Variants in PTK2 observed in about 807,000 individuals in gnomAD.
PTK2 encodes focal adhesion kinase 1.
A neutral mutation model predicts 150.1 loss-of-function variants in PTK2; 45 were observed. That is an observed-to-expected ratio of 0.30 (90% CI 0.24 to 0.38). PTK2 has a LOEUF of 0.38. Ranked by LOEUF, PTK2 falls within the 10% of genes least tolerant of loss-of-function variation. The probability of loss-of-function intolerance (pLI) is 1.00; values close to 1 mark genes in which losing one functional copy is unlikely to be tolerated. For missense variants in PTK2, 919 were observed against 1,307.3 expected (o/e 0.70, Z 4.58); for synonymous variants, 432 against 449.2 (o/e 0.96, Z 0.48).
chr8:140,828,630 C>A (rs1043546704), intron 8 of PTK2, among the ~76,000 whole-genome samples: 2 of 152,188 alleles, frequency 1.3e-5, no homozygotes, highest in African/African-American at 4.8e-5. Context: ...GTAGAGTACT[C>A]TTCTATCCAA....
In PTK2 at chr8:140,849,720, G is replaced by C. The variant is rs529853098; in HGVS notation, c.451-3042C>G. On this transcript the variant is annotated intron_variant, in intron 5 of 31. Transcript: ENST00000522684. ...CACCAGGGACCAGTTACTACGCTAAGCATTTTACGTATATTTCTGATCTTT... is the reference window on the plus strand; with the variant it reads ...CACCAGGGACCAGTTACTACGCTAACCATTTTACGTATATTTCTGATCTTT... Among the ~76,000 whole-genome samples the C allele has an allele frequency of 1.2e-4, 19 of 152,298 alleles. No individual in the cohort carries two copies. The South Asian group carries it at 2.9e-3, about 23-fold the overall frequency.
intron 7 of PTK2, among the ~76,000 whole-genome samples, chr8:140,840,343 C>T (rs768325382): frequency 6.6e-6 from 1 of 152,136 alleles, no homozygotes. Context: ...CTGCACCTGG[C>T]CCAATATAGG....
chr8:140,675,438 G>A lies in PTK2; in HGVS notation c.2602+22C>T, dbSNP rs191246950. 7.3e-4 allele frequency: 1,169 copies of A among 1,608,366 alleles called. 7 individuals carry two copies. Among genetic ancestry groups the A allele is most frequent in the South Asian group, 3.1e-4 (28 of 90,862 alleles). On this transcript the variant is annotated intron_variant, in intron 28 of 31. Transcript: ENST00000522684. ...CATCAAATTAAACTAACTTCTTTCC[G>A]CCCAATTCTTTTCTTCTTTACCTGG...
intron 1 of PTK2, among the ~76,000 whole-genome samples, chr8:140,968,069 A>T (rs747124898): frequency 6.6e-6 from 1 of 152,254 alleles, no homozygotes; most frequent in Non-Finnish European, 1.5e-5. Flanking sequence ...GGCACTGCTC[A>T]AAGGTGGGAA....
intron 12 of PTK2, among the ~76,000 whole-genome samples, chr8:140,799,472 G>A (rs773194550): frequency 4.6e-5 from 7 of 152,206 alleles, no homozygotes; most frequent in Non-Finnish European, 1.0e-4. Context: ...CCCACATTCA[G>A]AGTCCCCACT....
intron 23 of PTK2, among the ~76,000 whole-genome samples, chr8:140,707,932 T>C (rs1041553650): frequency 1.3e-5 from 2 of 152,216 alleles, no homozygotes; most frequent in African/African-American, 4.8e-5. Flanking sequence ...GACTGGCTTC[T>C]AGTTCCTCAC....
At chr8:140,699,536 A>G (rs2100028943) in intron 26 of PTK2, among the ~76,000 whole-genome samples, 2 of 152,356 alleles carry the variant, frequency 1.3e-5, no homozygotes, top group South Asian at 4.1e-4. Context: ...TTTCCCATGC[A>G]TATGTCCAGA....
chr8:140,782,153 A>G (rs992435116), intron 14 of PTK2, among the ~76,000 whole-genome samples: 1 of 152,008 alleles, frequency 6.6e-6, no homozygotes, highest in Non-Finnish European at 1.5e-5. Flanking sequence ...TACTTTGTGC[A>G]CATAAAAATT....
chr8:140,736,513 C>G (rs550007028), intron 21 of PTK2, among the ~76,000 whole-genome samples: 1 of 141,934 alleles, frequency 7.0e-6, no homozygotes, highest in Non-Finnish European at 1.5e-5. Flanking sequence ...CATGGACCCT[C>G]TGAATCTAAA....
Position 140,909,280 on chromosome 8 carries a change from A to G in PTK2, c.-33+16381T>C, listed in dbSNP as rs113056750. On this transcript the variant is annotated intron_variant, in intron 2 of 31. Coordinates refer to ENST00000522684, the Ensembl canonical transcript of PTK2. ...AGCATTTCAACTCTTATGGCTTTGAAGACTTTAAGTGGTTAAGTATATCCC... is the reference window on the plus strand; with the variant it reads ...AGCATTTCAACTCTTATGGCTTTGAGGACTTTAAGTGGTTAAGTATATCCC... Among the ~76,000 whole-genome samples, 385 of 152,330 alleles carry G rather than the reference A, an allele frequency of 2.5e-3. 3 individuals carry two copies. The highest frequency in any genetic ancestry group is 8.8e-3 in the African/African-American group (364 of 41,586).
chr8:140,681,560 G>T (rs753587699), intron 27 of PTK2, among the ~76,000 whole-genome samples: 6 of 151,870 alleles, frequency 4.0e-5, no homozygotes, highest in Non-Finnish European at 5.9e-5. Context: ...GGGGGATCAC[G>T]AAGTCAGGAG....
At chr8:140,937,835 C>G (rs2100174222) in intron 1 of PTK2, among the ~76,000 whole-genome samples, 1 of 152,158 alleles carries the variant, frequency 6.6e-6, no homozygotes, top group South Asian at 2.1e-4. Flanking sequence ...CGTCTGTAGT[C>G]CCAGCTACTT....
chr8:140,668,601 G>A, intron 29 of PTK2, 177 bp from the exon 34 acceptor site: 1 of 634,544 alleles, frequency 1.6e-6, no homozygotes, highest in Non-Finnish European at 2.5e-6. Context: ...ATTCCTCCAA[G>A]TGACAAATTA....
intron 7 of PTK2, among the ~76,000 whole-genome samples, chr8:140,834,527 C>G (rs1555189427): frequency 6.6e-6 from 1 of 152,134 alleles, no homozygotes; most frequent in South Asian, 2.1e-4. Flanking sequence ...CACTAAGATT[C>G]AAATCATTTA....
At chr8:140,702,344 C>T (rs572957968) in intron 25 of PTK2, among the ~76,000 whole-genome samples, 52 of 150,840 alleles carry the variant, frequency 3.4e-4, no homozygotes, top group African/African-American at 1.1e-3. Context: ...CCCAGCATCC[C>T]GAGTAGCTGG....
intron 2 of PTK2, among the ~76,000 whole-genome samples, chr8:140,917,146 T>C (rs1402504680): frequency 6.6e-6 from 1 of 152,094 alleles, no homozygotes; most frequent in African/African-American, 2.4e-5. Context: ...ATCCTAGCAC[T>C]TTGGGAGGCC....
At chr8:140,713,342 CCTGTGCCTCCTGGGTTCAAGTGATT>C (rs1288482637) in intron 23 of PTK2, among the ~76,000 whole-genome samples, 1 of 152,172 alleles carries the variant, frequency 6.6e-6, no homozygotes, top group African/African-American at 2.4e-5. Context: ...CTCAGTGCAA[CCTGTGCCTCCTGGGTTCAAGTGATT>C]CTTGTGCCTC....
intron 2 of PTK2, among the ~76,000 whole-genome samples, chr8:140,910,846 C>T (rs1213894782): frequency 6.6e-6 from 1 of 151,670 alleles, no homozygotes; most frequent in Admixed American, 6.6e-5. Context: ...TACCTCCTTC[C>T]CCAACTTTCT....
chr8:140,759,847 C>CCACACACA (rs113580900), intron 16 of PTK2, among the ~76,000 whole-genome samples: 11 of 144,766 alleles, frequency 7.6e-5, no homozygotes, highest in African/African-American at 2.5e-4. Flanking sequence ...TCTCTCTCAC[C>CCACACACA]CACACACACA....
Sources: gnomAD v4.1 joint callset for allele counts (sites outside exome capture counted in the v4.1 genomes callset) on GRCh38, gnomAD v4.1.1 for gene constraint, MANE v1.5 for transcripts, NCBI Gene and HGNC (gene_info 2026-07-23, HGNC 2026-07-21) for gene names.